Variants in MYO3A observed in about 807,000 individuals in gnomAD.
The protein encoded by MYO3A is myosin-IIIa.
MYO3A carries 180 observed loss-of-function variants against 192.7 expected under a neutral mutation model. That is an observed-to-expected ratio of 0.93 (90% CI 0.83 to 1.06). The LOEUF (loss-of-function observed/expected upper bound fraction) is 1.06. Among genes scored for constraint, MYO3A ranks in the 50% least tolerant of loss-of-function variants. The pLI is 0.00. For synonymous variants in MYO3A, 628 were observed against 645.3 expected (o/e 0.97, Z 0.41); for missense variants, 1,896 against 1,905.0 (o/e 1.00, Z 0.09).
chr10:25,999,489 C>T (rs1840647054), intron 6 of MYO3A, among the ~76,000 whole-genome samples: 1 of 152,158 alleles, frequency 6.6e-6, no homozygotes, highest in Admixed American at 6.5e-5. Context: ...TACATTTATA[C>T]TGAAAATTCT....
intron 7 of MYO3A, among the ~76,000 whole-genome samples, chr10:26,017,216 A>T (rs1160406157): frequency 6.6e-6 from 1 of 152,230 alleles, no homozygotes; most frequent in Non-Finnish European, 1.5e-5. Flanking sequence ...TTATCTTTTA[A>T]AATTATAGTA....
At chr10:26,042,168 A>T (rs1843387799) in intron 10 of MYO3A, among the ~76,000 whole-genome samples, 1 of 152,126 alleles carries the variant, frequency 6.6e-6, no homozygotes, top group Non-Finnish European at 1.5e-5. Flanking sequence ...TAAGGTTTCC[A>T]CTAAAAATTC....
chr10:26,174,814 T>C (rs1842239458), intron 30 of MYO3A, among the ~76,000 whole-genome samples: 1 of 152,158 alleles, frequency 6.6e-6, no homozygotes, highest in African/African-American at 2.4e-5. Flanking sequence ...TTATACAGCT[T>C]ACTAAAATGC....
intron 27 of MYO3A, among the ~76,000 whole-genome samples, chr10:26,168,189 C>T (rs929061244): frequency 1.3e-5 from 2 of 152,140 alleles, no homozygotes; most frequent in Non-Finnish European, 2.9e-5. Context: ...AATACCAGCC[C>T]CAAAGGACAG....
intron 14 of MYO3A, among the ~76,000 whole-genome samples, chr10:26,072,000 G>A (rs1434029640): frequency 6.6e-6 from 1 of 151,814 alleles, no homozygotes; most frequent in African/African-American, 2.4e-5. Flanking sequence ...GAGGCCTCAG[G>A]AAACTTACAA....
intron 20 of MYO3A, among the ~76,000 whole-genome samples, chr10:26,139,048 GT>G (rs1235884430): frequency 3.9e-5 from 6 of 152,064 alleles, no homozygotes; most frequent in Non-Finnish European, 8.8e-5. Context: ...TCCAAAACAC[GT>G]CATGTTTCTT....
In MYO3A at chr10:25,996,496, A is replaced by C; in HGVS notation, c.310A>C (p.Ser104Arg). 6.2e-7 allele frequency: 1 copy of C among 1,613,416 alleles called. No individual in the cohort carries two copies. Among genetic ancestry groups the C allele is most frequent in the Non-Finnish European group, 8.5e-7 (1 of 1,179,450 alleles). ...TTAAAATATTCTTGTTTAGCTCTGCAGTGGAGGATCAGTGACTGACCTTGT... is the reference window on the plus strand; with the variant it reads ...TTAAAATATTCTTGTTTAGCTCTGCCGTGGAGGATCAGTGACTGACCTTGT... Reference protein sequence around the residue: ...DKLWLVLELCSGGSVTDLVKG... With the variant: ...DKLWLVLELCRGGSVTDLVKG... The change falls in exon 5 of 35, where the codon AGT (serine) becomes CGT (arginine). Residue 104 changes from serine (S) to arginine (R), a missense_variant. Ser to Arg is a moderately radical substitution (Grantham distance 110). Coordinates refer to ENST00000642920, the MANE Select transcript of MYO3A (RefSeq NM_017433.5).
intron 34 of MYO3A, among the ~76,000 whole-genome samples, chr10:26,209,595 C>T (rs1180484996): frequency 1.3e-5 from 2 of 152,220 alleles, no homozygotes; most frequent in Non-Finnish European, 2.9e-5. Context: ...TGTGATTTAA[C>T]ACCTATGTTA....
intron 10 of MYO3A, among the ~76,000 whole-genome samples, chr10:26,033,286 T>C (rs1037302114): frequency 5.3e-5 from 8 of 151,968 alleles, no homozygotes; most frequent in African/African-American, 1.7e-4. Context: ...TCACCATCTT[T>C]GCCAGGCTGG....
At chr10:26,177,120 T>A (rs6415977) in intron 31 of MYO3A, among the ~76,000 whole-genome samples, 3 of 151,572 alleles carry the variant, frequency 2.0e-5, no homozygotes, top group African/African-American at 7.3e-5. Flanking sequence ...ATAAAAGGGG[T>A]TGGTATAGAG....
chr10:26,008,052 A>C (rs561691375), intron 6 of MYO3A, among the ~76,000 whole-genome samples: 1 of 149,850 alleles, frequency 6.7e-6, no homozygotes, highest in Non-Finnish European at 1.5e-5. Context: ...TCAATGGAAC[A>C]GAACAGAGCC....
intron 4 of MYO3A, among the ~76,000 whole-genome samples, chr10:25,994,723 G>A (rs1489017492): frequency 4.6e-5 from 7 of 152,162 alleles, no homozygotes; most frequent in South Asian, 2.1e-4. Flanking sequence ...AAAATCTCTC[G>A]GCATTTGCTT....
At chr10:26,065,058 G>A (rs1335509963) in intron 10 of MYO3A, among the ~76,000 whole-genome samples, 3 of 151,978 alleles carry the variant, frequency 2.0e-5, no homozygotes, top group African/African-American at 7.3e-5. Flanking sequence ...AGAAAGATAA[G>A]GAAAAAACCG....
intron 15 of MYO3A, among the ~76,000 whole-genome samples, chr10:26,088,965 C>T (rs1158610218): frequency 6.6e-6 from 1 of 152,136 alleles, no homozygotes; most frequent in Non-Finnish European, 1.5e-5. Flanking sequence ...GACAAAGTTT[C>T]TCTCCTGTCT....
At chr10:26,083,223 G>T (rs897731369) in intron 14 of MYO3A, among the ~76,000 whole-genome samples, 1 of 152,158 alleles carries the variant, frequency 6.6e-6, no homozygotes, top group African/African-American at 2.4e-5. Flanking sequence ...AACTGAGAGG[G>T]CTACTAAGTT....
At chr10:26,107,057 C>T (rs1156880410) in intron 17 of MYO3A, among the ~76,000 whole-genome samples, 2 of 151,984 alleles carry the variant, frequency 1.3e-5, no homozygotes, top group Non-Finnish European at 2.9e-5. Flanking sequence ...CCTTGACACA[C>T]ATACATGAGT....
intron 15 of MYO3A, among the ~76,000 whole-genome samples, chr10:26,093,788 A>C (rs1836844724): frequency 6.6e-6 from 1 of 152,186 alleles, no homozygotes; most frequent in Non-Finnish European, 1.5e-5. Flanking sequence ...ACTGAAAAAC[A>C]TTTACATTTT....
chr10:26,164,870 A>G (rs6482531), intron 26 of MYO3A, among the ~76,000 whole-genome samples: 80,289 of 151,994 alleles, frequency 0.53, 21,512 homozygotes, highest in Middle Eastern at 0.59. Flanking sequence ...CCAAGAGTTG[A>G]TGGACAGGCT....
chr10:26,192,163 C>G (rs1843170287), intron 31 of MYO3A, among the ~76,000 whole-genome samples: 1 of 152,152 alleles, frequency 6.6e-6, no homozygotes, highest in African/African-American at 2.4e-5. Flanking sequence ...CATGAACATC[C>G]AAGTGTACAG....
Sources: allele counts gnomAD v4.1 joint callset (sites outside exome capture counted in the v4.1 genomes callset), GRCh38; gene constraint gnomAD v4.1.1; transcripts MANE v1.5; gene names NCBI Gene and HGNC (gene_info 2026-07-23, HGNC 2026-07-21).